Variants in CNTNAP2 observed in about 807,000 individuals in gnomAD.
The protein encoded by CNTNAP2 is contactin associated protein 2, also known as contactin-associated protein-like 2.
CNTNAP2 carries 98 observed loss-of-function variants against 155.2 expected under a neutral mutation model. That is an observed-to-expected ratio of 0.63 (90% CI 0.54 to 0.75). The LOEUF (loss-of-function observed/expected upper bound fraction) is 0.75. CNTNAP2 is among the 30% of genes least tolerant of loss of function. The pLI is 0.00. For synonymous variants in CNTNAP2, 651 were observed against 631.2 expected (o/e 1.03, Z -0.47); for missense variants, 1,727 against 1,688.1 (o/e 1.02, Z -0.40).
intron 1 of CNTNAP2, among the ~76,000 whole-genome samples, chr7:146,126,990 T>C (rs527454109): frequency 6.6e-6 from 1 of 152,278 alleles, no homozygotes; most frequent in South Asian, 2.1e-4. Context: ...CATCTATATC[T>C]ATGCCAGAAA....
Position 147,358,678 on chromosome 7 carries a change from T to TA in CNTNAP2, c.1499-36922dup, listed in dbSNP as rs796794108. Among the ~76,000 whole-genome samples, 54 of 150,868 alleles carry TA rather than the reference T, an allele frequency of 3.6e-4. 1 individual carries two copies. The highest frequency in any genetic ancestry group is 2.7e-3 in the South Asian group (13 of 4,750). ...TGACTACCAAGCATTTTCTCCTAAT[T>TA]AAAAAAAAAGCAAATTTTATTTATT... On this transcript the variant is annotated intron_variant, in intron 9 of 23. Transcript: ENST00000361727.
chr7:147,325,325 A>C lies in CNTNAP2; in HGVS notation c.1498+25035A>C, dbSNP rs74302214. ...ATCTCAACAACAACAACAACAACAA[A>C]AATTAGAGTATTTAAAACTAACTAA... is the stretch of plus-strand genomic sequence containing the variant. On this transcript the variant is annotated intron_variant, in intron 9 of 23. Transcript: ENST00000361727. 1.8e-3 allele frequency among the ~76,000 whole-genome samples: 277 copies of C among 152,128 alleles called. 6 individuals are homozygous for C. In the East Asian group the frequency reaches 0.031, roughly 17 times the overall value.
chr7:147,095,957 C>T (rs942327687), intron 4 of CNTNAP2, among the ~76,000 whole-genome samples: 3 of 152,138 alleles, frequency 2.0e-5, no homozygotes, highest in Admixed American at 1.3e-4. Flanking sequence ...CTTTTGGACC[C>T]CTCGTAAAAG....
At chr7:146,989,223 G>A (rs569451367) in intron 3 of CNTNAP2, among the ~76,000 whole-genome samples, 3 of 149,434 alleles carry the variant, frequency 2.0e-5, no homozygotes, top group Non-Finnish European at 3.0e-5. Flanking sequence ...AAAGAAAGAA[G>A]GATTGGGAAG....
chr7:147,322,882 T>G (rs1248331076), intron 9 of CNTNAP2, among the ~76,000 whole-genome samples: 2 of 131,706 alleles, frequency 1.5e-5, no homozygotes, highest in African/African-American at 6.1e-5. Flanking sequence ...TGTAGTATTC[T>G]CTGACGGTAG....
intron 1 of CNTNAP2, among the ~76,000 whole-genome samples, chr7:146,471,510 G>A (rs1449408357): frequency 2.6e-5 from 4 of 152,228 alleles, no homozygotes; most frequent in African/African-American, 9.6e-5. Flanking sequence ...AAAATGTAAT[G>A]AGTTCCATGA....
At chr7:148,049,930 A>C (rs1041706884) in intron 15 of CNTNAP2, among the ~76,000 whole-genome samples, 1 of 152,166 alleles carries the variant, frequency 6.6e-6, no homozygotes, top group African/African-American at 2.4e-5. Flanking sequence ...TGGGAGGCCG[A>C]GGCAGGTGGA....
chr7:148,192,655 G>C (rs1795218796), intron 18 of CNTNAP2, among the ~76,000 whole-genome samples: 2 of 151,988 alleles, frequency 1.3e-5, no homozygotes, highest in Admixed American at 1.3e-4. Context: ...AATAAAATAT[G>C]GCAATGCTCA....
intron 1 of CNTNAP2, among the ~76,000 whole-genome samples, chr7:146,662,236 C>G (rs982208643): frequency 6.6e-6 from 1 of 152,020 alleles, no homozygotes; most frequent in African/African-American, 2.4e-5. Context: ...CTCCCGGGTT[C>G]AAGCGATTCT....
At chr7:146,784,973 C>CT (rs11301712) in intron 2 of CNTNAP2, among the ~76,000 whole-genome samples, 2,077 of 141,626 alleles carry the variant, frequency 0.015, 28 homozygotes, top group East Asian at 0.05. Context: ...TATCCCTTTG[C>CT]TTTTTTTTTT....
chr7:148,008,976 A>G (rs1802024748), intron 15 of CNTNAP2, among the ~76,000 whole-genome samples: 1 of 152,220 alleles, frequency 6.6e-6, no homozygotes, highest in African/African-American at 2.4e-5. Context: ...TGGAGTAACA[A>G]ACCCTTAATA....
At chr7:146,611,873 C>A (rs1192438484) in intron 1 of CNTNAP2, among the ~76,000 whole-genome samples, 1 of 152,120 alleles carries the variant, frequency 6.6e-6, no homozygotes, top group Non-Finnish European at 1.5e-5. Flanking sequence ...GTCCACAGGC[C>A]AAACAGAAAG....
chr7:147,130,514 A>G (rs1446045543), intron 7 of CNTNAP2, among the ~76,000 whole-genome samples: 1 of 152,164 alleles, frequency 6.6e-6, no homozygotes, highest in African/African-American at 2.4e-5. Context: ...ATTATGCTCT[A>G]TAATTACATT....
chr7:147,684,974 C>G (rs1795996395), intron 13 of CNTNAP2, among the ~76,000 whole-genome samples: 1 of 151,870 alleles, frequency 6.6e-6, no homozygotes, highest in African/African-American at 2.4e-5. Flanking sequence ...ATGGGTAGAT[C>G]ACTTCCTTTT....
At chr7:148,212,143 T>A (rs10260740) in intron 18 of CNTNAP2, among the ~76,000 whole-genome samples, 4 of 66,166 alleles carry the variant, frequency 6.0e-5, no homozygotes, top group Non-Finnish European at 1.5e-4. Context: ...TTTTTGTGGG[T>A]TTTTTTTTTT....
At chr7:147,633,957 A>G (rs535365391) in intron 12 of CNTNAP2, among the ~76,000 whole-genome samples, 1 of 152,176 alleles carries the variant, frequency 6.6e-6, no homozygotes, top group African/African-American at 2.4e-5. Context: ...TCAAAAAATA[A>G]CAGGTGGCAT....
intron 16 of CNTNAP2, among the ~76,000 whole-genome samples, chr7:148,142,216 G>A (rs2906308): frequency 0.27 from 41,221 of 151,292 alleles, 5,798 homozygotes; most frequent in East Asian, 0.34. Flanking sequence ...GGCATCCCGT[G>A]TATAGGTGCA....
chr7:146,906,109 C>T lies in CNTNAP2; in HGVS notation c.402+66205C>T, dbSNP rs188171902. On this transcript the variant is annotated intron_variant, in intron 3 of 23. Transcript: ENST00000361727. ...GCTTTCAGACCGGCTTAAAAAACGGCGCACCACGGGACTATATCCCACACC... is the reference window on the plus strand; with the variant it reads ...GCTTTCAGACCGGCTTAAAAAACGGTGCACCACGGGACTATATCCCACACC... Among the ~76,000 whole-genome samples, 1,409 of 152,316 alleles carry T rather than the reference C, an allele frequency of 9.3e-3. 13 individuals are homozygous for T. The highest frequency in any genetic ancestry group is 0.015 in the Non-Finnish European group (992 of 68,030).
At chr7:148,316,157 A>G (rs947376208) in intron 21 of CNTNAP2, among the ~76,000 whole-genome samples, 1 of 152,120 alleles carries the variant, frequency 6.6e-6, no homozygotes, top group Non-Finnish European at 1.5e-5. Context: ...GAGGTTAACA[A>G]TCTACATAGA....
Sources: allele counts gnomAD v4.1 joint callset (sites outside exome capture counted in the v4.1 genomes callset), GRCh38; gene constraint gnomAD v4.1.1; transcripts MANE v1.5; gene names NCBI Gene and HGNC (gene_info 2026-07-23, HGNC 2026-07-21).